Variants in RNF213 observed in about 807,000 individuals in gnomAD.
RNF213 encodes ring finger protein 213, also known as E3 ubiquitin-protein ligase RNF213.
RNF213 carries 341 observed loss-of-function variants against 514.4 expected under a neutral mutation model. That is an observed-to-expected ratio of 0.66 (90% CI 0.61 to 0.73). The LOEUF is 0.73. Ranked by LOEUF, RNF213 falls within the 30% of genes least tolerant of loss-of-function variation. RNF213 has a pLI of 0.00. For synonymous variants in RNF213, 2,655 were observed against 2,658.2 expected (o/e 1.00, Z 0.04); for missense variants, 5,767 against 6,615.6 (o/e 0.87, Z 4.45).
chr17:80,361,666 C>T (rs550126068), intron 38 of RNF213, 68 bp from the exon 39 acceptor site: 28 of 1,583,158 alleles, frequency 1.8e-5, no homozygotes, highest in Non-Finnish European at 2.3e-5. Context: ...ACTCCGGAGC[C>T]CCCTGGAGGC....
Position 80,395,864 on chromosome 17 carries a change from CG to C in RNF213, c.*2368del, listed in dbSNP as rs1363824358. ...GAAGAGGAGGCATGCTGGCCTGCAC[CG>C]GAAGACTCACTTTGTCTGCCCTGCG... On this transcript the variant is annotated 3_prime_UTR_variant, in exon 68 of 68. Transcript: ENST00000582970. 3 of 152,184 alleles carry C rather than the reference CG, an allele frequency of 2.0e-5. No homozygotes were observed. The highest frequency in any genetic ancestry group is 4.4e-5 in the Non-Finnish European group (3 of 68,054). The allele number at this position is 152,184 out of a possible 1,614,324, so 9.4% of individuals were successfully genotyped here. A position where few individuals can be genotyped will look rare whatever the true frequency, so the allele number is the denominator to read the frequency against.
intron 15 of RNF213, chr17:80,315,733 GTGA>G (rs1206492296): frequency 2.2e-5 from 2 of 89,710 alleles, no homozygotes; most frequent in Non-Finnish European, 5.3e-5. Context: ...GGTACTGGAG[GTGA>G]TGGTGGTGGT....
Position 80,339,252 on chromosome 17 carries a change from G to C in RNF213, c.4885G>C (p.Ala1629Pro). 6.6e-7 allele frequency: 1 copy of C among 1,521,820 alleles called. No individual in the cohort carries two copies. Among genetic ancestry groups the C allele is most frequent in the Non-Finnish European group, 8.8e-7 (1 of 1,137,246 alleles). The allele number at this position is 1,521,820 out of a possible 1,614,324, so 94.3% of individuals were successfully genotyped here. A position where few individuals can be genotyped will look rare whatever the true frequency, so the allele number is the denominator to read the frequency against. ...CCAGGCCTTCATCGACCTGCACTCT[G>C]CTGGGAATATGCTGTTCAGGACGTG... ...LSQAFIDLHS[A>P]GNMLFRTWIA... is the part of the protein sequence containing the mutation. Residue 1629 changes from alanine to proline, a missense_variant, in exon 26 of 68, where the codon GCT becomes CCT. Transcript: ENST00000582970.
At chr17:80,309,322 G>A in intron 14 of RNF213, 151 bp downstream of exon 14, 1 of 964,300 alleles carries the variant, frequency 1.0e-6, no homozygotes, top group Non-Finnish European at 1.6e-6. Context: ...GCACCTGCTT[G>A]ATGCTGGGTT....
rs1341047692 is a variant in RNF213 at position 80,301,239 on chromosome 17, G to T, written c.2210+2721G>T. 4.6e-5 allele frequency among the ~76,000 whole-genome samples: 7 copies of T among 152,234 alleles called. No homozygotes were observed. The East Asian group carries it at 1.3e-3, about 29-fold the overall frequency. On this transcript the variant is annotated intron_variant, in intron 11 of 67. Coordinates refer to ENST00000582970, the MANE Select transcript of RNF213 (RefSeq NM_001256071.3). Reference sequence around the variant, plus strand: ...CCATTCCTATGTCTAGAATGGTATTGCCTAGGTCTGGGCAAAGATTGGAGA... The same window carrying T: ...CCATTCCTATGTCTAGAATGGTATTTCCTAGGTCTGGGCAAAGATTGGAGA...
chr17:80,350,169 T>C, intron 30 of RNF213, 132 bp from the exon 31 acceptor site: 1 of 772,094 alleles, frequency 1.3e-6, no homozygotes, highest in Non-Finnish European at 2.2e-6. Flanking sequence ...GGACTATCTG[T>C]TCTTACTGAA....
At chr17:80,307,034 A>G (rs2045386243) in intron 12 of RNF213, 94 bp from the exon 13 acceptor site, 2 of 1,194,342 alleles carry the variant, frequency 1.7e-6, no homozygotes, top group Admixed American at 1.7e-5. Context: ...TGTATACCAT[A>G]TTGATGTTGG....
chr17:80,292,426 C>A (rs2044765962), intron 8 of RNF213, among the ~76,000 whole-genome samples: 1 of 152,146 alleles, frequency 6.6e-6, no homozygotes, highest in Non-Finnish European at 1.5e-5. Context: ...AGGGCTGCGG[C>A]TGGGAACAGA....
chr17:80,291,952 A>G (rs1598936813), intron 8 of RNF213, 125 bp downstream of exon 8: 7 of 991,432 alleles, frequency 7.1e-6, no homozygotes, highest in Non-Finnish European at 1.1e-5. Flanking sequence ...TTTGCTCTGC[A>G]TTGACCCCGC....
chr17:80,342,705 A>G (rs901709425), intron 26 of RNF213, among the ~76,000 whole-genome samples: 3 of 146,092 alleles, frequency 2.1e-5, no homozygotes, highest in Non-Finnish European at 1.5e-5. Context: ...TATATTCTAT[A>G]TATACATATA....
chr17:80,281,337 C>CA (rs1365667652), intron 3 of RNF213, among the ~76,000 whole-genome samples: 1 of 71,416 alleles, frequency 1.4e-5, no homozygotes. Flanking sequence ...CACACACGCC[C>CA]CCACACACAC....
chr17:80,306,991 G>A, intron 12 of RNF213, 137 bp from the exon 13 acceptor site: 2 of 823,486 alleles, frequency 2.4e-6, no homozygotes, highest in Non-Finnish European at 4.3e-6. Context: ...TAGTATGTGA[G>A]CACCTTAAAA....
chr17:80,383,931 A>G lies in RNF213; in HGVS notation c.14322+3A>G. ...TCCTCTGGCATTTCCTGCAGAAGGT[A>G]TGTCTGGCTTACTGTGGCTCCCTCC... On this transcript the variant is annotated splice_donor_region_variant and intron_variant, in intron 59 of 67. Coordinates refer to ENST00000582970, the MANE Select transcript of RNF213 (RefSeq NM_001256071.3). 1 of 1,614,170 alleles carries G rather than the reference A, an allele frequency of 6.2e-7. No individual in the cohort carries two copies. Among genetic ancestry groups the G allele is most frequent in the Non-Finnish European group, 8.5e-7 (1 of 1,180,030 alleles).
chr17:80,388,568 A>G (rs747570217), intron 63 of RNF213, 44 bp from the exon 64 acceptor site: 1 of 1,273,882 alleles, frequency 7.9e-7, no homozygotes, highest in South Asian at 1.2e-5. Flanking sequence ...GGAAATGTCC[A>G]CGATGGATTT....
chr17:80,287,921 T>C lies in RNF213; in HGVS notation c.368T>C (p.Leu123Pro). Residue 123 changes from leucine to proline, a missense_variant, in exon 4 of 68, where the codon CTT becomes CCT. Coordinates refer to ENST00000582970, the MANE Select transcript of RNF213 (RefSeq NM_001256071.3). ...SPASPCHLTL[L>P]SNPWPQDTAL... is the part of the protein sequence containing the mutation. ...GCCAGCCCCTGTCACCTGACTTTGC[T>C]TTCAAACCCGTGGCCTCAGGACACA... 1 of 1,572,426 alleles carries C rather than the reference T, an allele frequency of 6.4e-7. No homozygotes were observed.
At position 80,345,194 on chromosome 17, in the gene RNF213, G is replaced by A. The variant is rs773015380; in HGVS notation, c.6859G>A (p.Glu2287Lys). Residue 2287 changes from glutamate to lysine, a missense_variant, in exon 29 of 68, where the codon GAA becomes AAA. Coordinates refer to ENST00000582970, the MANE Select transcript of RNF213 (RefSeq NM_001256071.3). This position sits in a 1 kb window ranked among gnomAD's most constrained non-coding sequence, Gnocchi z 6.0. ...GGTCACCATGGATGGGGTTAGGGAAGAAGATCTAGCGCCCTTCTCCCTCCG... is the reference window on the plus strand; with the variant it reads ...GGTCACCATGGATGGGGTTAGGGAAAAAGATCTAGCGCCCTTCTCCCTCCG... ...HMVTMDGVRE[E>K]DLAPFSLRKR... The A allele has an allele frequency of 6.2e-6, 10 of 1,614,140 alleles. No homozygotes were observed. The highest frequency in any genetic ancestry group is 8.5e-6 in the Non-Finnish European group (10 of 1,180,032).
In RNF213 at chr17:80,349,649, G is replaced by A. The variant is rs1308563092; in HGVS notation, c.9952-121G>A. 2.7e-5 allele frequency: 30 copies of A among 1,126,692 alleles called. 2 individuals carry two copies. Among genetic ancestry groups the A allele is most frequent in the South Asian group, 2.2e-4 (18 of 80,744 alleles). The allele number at this position is 1,126,692 out of a possible 1,614,324, so 69.8% of individuals were successfully genotyped here. A position where few individuals can be genotyped will look rare whatever the true frequency, so the allele number is the denominator to read the frequency against. ...CTCCTTTGGGTTTGGATTCTGTGCCGTTGTGTGGCAACTGCACCGCGCTGA... is the reference window on the plus strand; with the variant it reads ...CTCCTTTGGGTTTGGATTCTGTGCCATTGTGTGGCAACTGCACCGCGCTGA... On this transcript the variant is annotated intron_variant, in intron 29 of 67. Transcript: ENST00000582970.
chr17:80,283,463 C>G (rs2044368307), intron 3 of RNF213, among the ~76,000 whole-genome samples: 1 of 152,218 alleles, frequency 6.6e-6, no homozygotes, highest in Non-Finnish European at 1.5e-5. Flanking sequence ...GCAGTTGCGT[C>G]TGCGCTTACT....
intron 39 of RNF213, 112 bp downstream of exon 39, chr17:80,362,000 G>C: frequency 7.7e-7 from 1 of 1,294,496 alleles, no homozygotes; most frequent in Non-Finnish European, 1.1e-6. Context: ...GTGAAGTCTG[G>C]GAACAGAACA....
Sources: gnomAD v4.1 joint callset for allele counts (sites outside exome capture counted in the v4.1 genomes callset) on GRCh38, gnomAD v4.1.1 for gene constraint, Gnocchi (gnomAD v3.1) non-coding constraint, MANE v1.5 for transcripts, NCBI Gene and HGNC (gene_info 2026-07-23, HGNC 2026-07-21) for gene names.